The following SDC2 variants were observed in gnomAD, a reference collection of about 807,000 sequenced individuals.
SDC2 encodes syndecan-2.
A neutral mutation model predicts 22.2 loss-of-function variants in SDC2; 13 were observed. That is an observed-to-expected ratio of 0.59 (90% CI 0.38 to 0.93). SDC2 has a LOEUF of 0.93. Among genes scored for constraint, SDC2 ranks in the 40% least tolerant of loss-of-function variants. SDC2 has a pLI of 0.00. For synonymous variants in SDC2, 94 were observed against 92.8 expected, an observed-to-expected ratio of 1.01 and a Z score of -0.07; for missense variants, 235 against 246.8, an observed-to-expected ratio of 0.95 and a Z score of 0.32.
At chr8:96,501,501 T>G (rs923191248) in intron 1 of SDC2, among the ~76,000 whole-genome samples, 1 of 151,782 alleles carries the variant, frequency 6.6e-6, no homozygotes, top group African/African-American at 2.4e-5. Context: ...AGAGACGGGA[T>G]TTCACCATGT....
At chr8:96,538,920 G>T (rs1315247088) in intron 1 of SDC2, 4 of 152,226 alleles carry the variant, frequency 2.6e-5, no homozygotes, top group African/African-American at 9.7e-5. Context: ...TCTGGTTTTG[G>T]TCATCCCTAT....
At chr8:96,516,495 G>A (rs1170367233) in intron 1 of SDC2, among the ~76,000 whole-genome samples, 3 of 151,850 alleles carry the variant, frequency 2.0e-5, no homozygotes, top group African/African-American at 7.3e-5. Context: ...TCACACAATT[G>A]TGCAACAGTG....
chr8:96,564,216 A>G (rs1245174824), intron 1 of SDC2, among the ~76,000 whole-genome samples: 1 of 152,202 alleles, frequency 6.6e-6, no homozygotes, highest in Non-Finnish European at 1.5e-5. Context: ...TCTCATTCAC[A>G]GTGTAATTGT....
chr8:96,565,852 G>C (rs1586303305), intron 1 of SDC2, among the ~76,000 whole-genome samples: 1 of 152,162 alleles, frequency 6.6e-6, no homozygotes, highest in East Asian at 1.9e-4. Context: ...AGACCTGGAA[G>C]TTGTAGAATT....
intron 1 of SDC2, among the ~76,000 whole-genome samples, chr8:96,583,962 C>G (rs1467066244): frequency 2.0e-5 from 3 of 152,134 alleles, no homozygotes; most frequent in Admixed American, 1.3e-4. Context: ...AACACCCTAA[C>G]TTTTATTTCA....
chr8:96,525,266 G>C (rs1813559670), intron 1 of SDC2, among the ~76,000 whole-genome samples: 1 of 152,178 alleles, frequency 6.6e-6, no homozygotes, highest in African/African-American at 2.4e-5. Context: ...TCCTAGAGAA[G>C]CTTCTGTGCT....
At chr8:96,496,487 A>C (rs553805691) in intron 1 of SDC2, among the ~76,000 whole-genome samples, 6 of 152,376 alleles carry the variant, frequency 3.9e-5, no homozygotes, top group African/African-American at 1.4e-4. Context: ...TTCTAAATAG[A>C]AGCTGTTTCA....
At chr8:96,601,640 CAAAAAAAAAAAAA>C (rs749025894) in intron 2 of SDC2, among the ~76,000 whole-genome samples, 1 of 66,694 alleles carries the variant, frequency 1.5e-5, no homozygotes, top group African/African-American at 6.1e-5. Context: ...ACTCCATCTC[CAAAAAAAAAAAAA>C]AAAAAAGAAA....
intron 1 of SDC2, among the ~76,000 whole-genome samples, chr8:96,510,728 G>T (rs1262678770): frequency 1.3e-5 from 2 of 152,164 alleles, no homozygotes; most frequent in African/African-American, 4.8e-5. Context: ...TGATTCATAG[G>T]CTTTTAAACC....
intron 1 of SDC2, among the ~76,000 whole-genome samples, chr8:96,566,444 A>G (rs16894747): frequency 0.081 from 12,380 of 152,264 alleles, 744 homozygotes; most frequent in East Asian, 0.15. Context: ...ATGATAAAGC[A>G]TATTGTGCAG....
chr8:96,580,513 A>G, intron 1 of SDC2: 1 of 985,378 alleles, frequency 1.0e-6, no homozygotes, highest in Non-Finnish European at 1.2e-6. Context: ...CTACAGACTC[A>G]TCTTATACCA....
At chr8:96,566,913 G>A (rs1387902487) in intron 1 of SDC2, among the ~76,000 whole-genome samples, 1 of 152,234 alleles carries the variant, frequency 6.6e-6, no homozygotes, top group South Asian at 2.1e-4. Context: ...GAGTGCATTG[G>A]CATGATCTCG....
intron 1 of SDC2, among the ~76,000 whole-genome samples, chr8:96,544,936 G>A (rs1445594231): frequency 6.6e-6 from 1 of 152,090 alleles, no homozygotes; most frequent in Admixed American, 6.6e-5. Flanking sequence ...TTTTTTATGG[G>A]CCTACCATTT....
intron 1 of SDC2, among the ~76,000 whole-genome samples, chr8:96,565,097 T>TTTTTTTTTTTTTTTTTTTTTTTTGTTG (rs1329448270): frequency 2.3e-5 from 3 of 128,618 alleles, no homozygotes; most frequent in African/African-American, 9.6e-5. Flanking sequence ...TTTTTTTTTT[T>TTTTTTTTTTTTTTTTTTTTTTTTGTTG]TTGTTGAGAT....
intron 1 of SDC2, among the ~76,000 whole-genome samples, chr8:96,536,837 C>G (rs960808598): frequency 6.6e-6 from 1 of 152,186 alleles, no homozygotes; most frequent in African/African-American, 2.4e-5. Flanking sequence ...GCTTTTCCTT[C>G]TGTGGCAATT....
rs987172605 is a variant in SDC2 at position 96,513,930 on chromosome 8, C to T, written c.60+19599C>T. On this transcript the variant is annotated intron_variant, in intron 1 of 4. Transcript: ENST00000302190. ...AAGCCATCAACTGGCTGGGGAGAGT[C>T]GCTGACCTTTATAGCTTCCTTCTAA... 3.3e-5 allele frequency among the ~76,000 whole-genome samples: 5 copies of T among 152,164 alleles called. No individual in the cohort carries two copies. The South Asian group carries it at 1.0e-3, about 31-fold the overall frequency.
rs528395833 is a variant in SDC2, at chr8:96,506,764, C to T, written c.60+12433C>T. Among the ~76,000 whole-genome samples the T allele has an allele frequency of 3.9e-5, 6 of 152,238 alleles. No homozygotes were observed. The South Asian group carries it at 1.2e-3, about 32-fold the overall frequency. ...CGGTGGCTCACGCCTGTAATCCCAG[C>T]ACTTTGGGAGGCTGAGGTAGGTGGA... is the stretch of plus-strand genomic sequence containing the variant. On this transcript the variant is annotated intron_variant, in intron 1 of 4. Transcript: ENST00000302190.
At chr8:96,592,291 G>C (rs1219844107) in intron 1 of SDC2, among the ~76,000 whole-genome samples, 2 of 152,220 alleles carry the variant, frequency 1.3e-5, no homozygotes, top group Admixed American at 1.3e-4. Flanking sequence ...CAGAGGGTTG[G>C]ACCTGTCCTC....
intron 1 of SDC2, among the ~76,000 whole-genome samples, chr8:96,562,813 C>T (rs958078280): frequency 6.6e-6 from 1 of 152,192 alleles, no homozygotes; most frequent in Non-Finnish European, 1.5e-5. Context: ...GGCTGACCTC[C>T]ATTCCAGATT....
Sources: gnomAD v4.1 joint callset for allele counts (sites outside exome capture counted in the v4.1 genomes callset) on GRCh38, gnomAD v4.1.1 for gene constraint, MANE v1.5 for transcripts, NCBI Gene and HGNC (gene_info 2026-07-23, HGNC 2026-07-21) for gene names.